The following RIMS2 variants were observed in gnomAD, a reference collection of about 807,000 sequenced individuals.
RIMS2 encodes the protein regulating synaptic membrane exocytosis protein 2.
RIMS2 carries 59 observed loss-of-function variants against 174.4 expected under a neutral mutation model. That is an observed-to-expected ratio of 0.34 (90% CI 0.27 to 0.42). The LOEUF (loss-of-function observed/expected upper bound fraction) is 0.42. Ranked by LOEUF, RIMS2 falls within the 10% of genes least tolerant of loss-of-function variation. The pLI is 1.00. For synonymous variants in RIMS2, 606 were observed against 572.5 expected, an observed-to-expected ratio of 1.06 and a Z score of -0.84; for missense variants, 1,620 against 1,666.3, an observed-to-expected ratio of 0.97 and a Z score of 0.48.
intron 1 of RIMS2, chr8:103,559,294 T>A (rs2091190611): frequency 5.1e-6 from 1 of 197,512 alleles, no homozygotes; most frequent in Non-Finnish European, 1.0e-5. Context: ...GCCTTCCCAT[T>A]AGCAGGGACA....
At chr8:103,977,449 G>T (rs1000828038) in intron 16 of RIMS2, 2 of 152,082 alleles carry the variant, frequency 1.3e-5, no homozygotes, top group Non-Finnish European at 2.9e-5. Context: ...GAAAATAAAA[G>T]AATACCTATG....
intron 19 of RIMS2, among the ~76,000 whole-genome samples, chr8:104,050,995 G>A (rs1195753365): frequency 3.3e-5 from 5 of 152,112 alleles, no homozygotes; most frequent in Admixed American, 6.5e-5. Flanking sequence ...CAGCACTTCA[G>A]GAGTCCAAGG....
rs1358595974 is a variant in RIMS2, at chr8:103,606,289, G to A, written c.177-90797G>A. Reference sequence around the variant, plus strand: ...TAGTCATTCAGGAGCAGGTTGTTCAGTTTCCATGTAGTTGAGCAGTTTTGA... The same window carrying A: ...TAGTCATTCAGGAGCAGGTTGTTCAATTTCCATGTAGTTGAGCAGTTTTGA... On this transcript the variant is annotated intron_variant, in intron 1 of 23. Transcript: ENST00000504942. 2.7e-4 allele frequency among the ~76,000 whole-genome samples: 40 copies of A among 150,058 alleles called. No homozygotes were observed. The South Asian group carries it at 8.7e-3, about 33-fold the overall frequency.
At chr8:104,206,321 G>A (rs2028946) in intron 19 of RIMS2, among the ~76,000 whole-genome samples, 24,222 of 152,046 alleles carry the variant, frequency 0.16, 2,486 homozygotes, top group Non-Finnish European at 0.23. Flanking sequence ...ATATAAATTC[G>A]TATCTCTCTG....
intron 10 of RIMS2, chr8:103,922,130 C>T (rs2077791558): frequency 1.1e-5 from 2 of 175,372 alleles, no homozygotes; most frequent in Non-Finnish European, 2.4e-5. Flanking sequence ...AAATGTTGCA[C>T]TATATAAAGA....
At chr8:103,898,394 A>T (rs2154523405) in intron 4 of RIMS2, among the ~76,000 whole-genome samples, 1 of 151,732 alleles carries the variant, frequency 6.6e-6, no homozygotes, top group Non-Finnish European at 1.5e-5. Context: ...TCTTGATAGG[A>T]ATGGAAAAAA....
At chr8:103,826,866 G>A (rs953018180) in intron 3 of RIMS2, among the ~76,000 whole-genome samples, 2 of 146,714 alleles carry the variant, frequency 1.4e-5, no homozygotes, top group African/African-American at 5.0e-5. Flanking sequence ...TTTTTGTCTT[G>A]CTATATTGTC....
intron 19 of RIMS2, among the ~76,000 whole-genome samples, chr8:104,199,815 G>A (rs1450221056): frequency 6.6e-6 from 1 of 152,188 alleles, no homozygotes; most frequent in African/African-American, 2.4e-5. Flanking sequence ...TGGGAGGAAA[G>A]AAACTTGAAC....
At chr8:103,627,272 C>T (rs914465784) in intron 1 of RIMS2, among the ~76,000 whole-genome samples, 6 of 152,246 alleles carry the variant, frequency 3.9e-5, no homozygotes, top group East Asian at 1.9e-4. Context: ...TTATTCTGCC[C>T]GACCCCGCAG....
At chr8:103,905,173 A>G (rs975369175) in intron 4 of RIMS2, among the ~76,000 whole-genome samples, 41 of 152,056 alleles carry the variant, frequency 2.7e-4, no homozygotes, top group African/African-American at 9.9e-4. Context: ...GAAAACCCAT[A>G]TTTTTGTTTA....
In RIMS2 at chr8:103,606,141, G is replaced by A. The variant is rs544382552; in HGVS notation, c.177-90945G>A. Reference sequence around the variant, plus strand: ...CTGCTTTCTCTTGTGGGCATTTAGTGCTATAAATTTCCCTCTACACACTGC... The same window carrying A: ...CTGCTTTCTCTTGTGGGCATTTAGTACTATAAATTTCCCTCTACACACTGC... On this transcript the variant is annotated intron_variant, in intron 1 of 23. Transcript: ENST00000504942. 6.2e-5 allele frequency among the ~76,000 whole-genome samples: 9 copies of A among 144,280 alleles called. 1 individual carries two copies. The South Asian group carries it at 1.9e-3, about 30-fold the overall frequency. The allele number at this position is 144,280 out of a possible 152,430, so 94.7% of individuals were successfully genotyped here. A position where few individuals can be genotyped will look rare whatever the true frequency, so the allele number is the denominator to read the frequency against.
chr8:104,236,115 G>A (rs576129711), intron 19 of RIMS2, among the ~76,000 whole-genome samples: 7 of 151,122 alleles, frequency 4.6e-5, no homozygotes, highest in East Asian at 1.9e-4. Context: ...CCAGTAAACT[G>A]GAGGTTAGAC....
chr8:104,028,790 A>T (rs912327131), intron 19 of RIMS2, among the ~76,000 whole-genome samples: 2 of 152,212 alleles, frequency 1.3e-5, no homozygotes, highest in Admixed American at 6.5e-5. Context: ...GGTTATCAAG[A>T]TGTTACTGGA....
intron 3 of RIMS2, among the ~76,000 whole-genome samples, chr8:103,825,494 A>G (rs1409908206): frequency 7.1e-6 from 1 of 139,966 alleles, no homozygotes; most frequent in Non-Finnish European, 1.5e-5. Context: ...CATGTTGTCC[A>G]GGCTGGTCTC....
intron 4 of RIMS2, among the ~76,000 whole-genome samples, chr8:103,887,431 T>C (rs1445442034): frequency 6.6e-6 from 1 of 151,746 alleles, no homozygotes; most frequent in Admixed American, 6.6e-5. Context: ...GTGATTTTTT[T>C]CCATTATTTT....
intron 14 of RIMS2, among the ~76,000 whole-genome samples, chr8:103,952,354 G>C (rs2085682896): frequency 6.6e-6 from 1 of 152,166 alleles, no homozygotes; most frequent in Non-Finnish European, 1.5e-5. Context: ...ACCTCATACA[G>C]GAGAACTCTG....
rs969429008 is a variant in RIMS2 at position 104,183,021 on chromosome 8, A to G, written c.3335-61895A>G. Among the ~76,000 whole-genome samples the G allele has an allele frequency of 4.6e-5, 7 of 151,892 alleles. No individual in the cohort carries two copies. The East Asian group carries it at 1.4e-3, about 29-fold the overall frequency. ...GGGGAAAAAAAGAAATAAATGAGCCATTGAAAATGAATCCATAAGGATATA... is the reference window on the plus strand; with the variant it reads ...GGGGAAAAAAAGAAATAAATGAGCCGTTGAAAATGAATCCATAAGGATATA... On this transcript the variant is annotated intron_variant, in intron 19 of 23. Transcript: ENST00000504942.
At chr8:103,887,447 T>G (rs2099210484) in intron 4 of RIMS2, among the ~76,000 whole-genome samples, 1 of 151,600 alleles carries the variant, frequency 6.6e-6, no homozygotes, top group South Asian at 2.1e-4. Context: ...ATTTTCATCT[T>G]TAAAAGCTCT....
intron 13 of RIMS2, among the ~76,000 whole-genome samples, chr8:103,940,941 A>G (rs988434876): frequency 6.6e-6 from 1 of 151,074 alleles, no homozygotes; most frequent in Admixed American, 6.6e-5. Flanking sequence ...CACAGTTGTT[A>G]GGAGCAGAGA....
Sources: gnomAD v4.1 joint callset for allele counts (sites outside exome capture counted in the v4.1 genomes callset) on GRCh38, gnomAD v4.1.1 for gene constraint, MANE v1.5 for transcripts, NCBI Gene and HGNC (gene_info 2026-07-23, HGNC 2026-07-21) for gene names.